ATG14: variants seen among roughly 807,000 people sequenced by gnomAD.
The protein encoded by ATG14 is autophagy related 14.
ATG14 carries 35 observed loss-of-function variants against 60.4 expected under a neutral mutation model. That is an observed-to-expected ratio of 0.58 (90% CI 0.44 to 0.77). The LOEUF (loss-of-function observed/expected upper bound fraction) is 0.77. ATG14 is among the 30% of genes least tolerant of loss of function. ATG14 has a pLI of 0.00. For missense variants in ATG14, 647 were observed against 626.3 expected (o/e 1.03, Z -0.35); for synonymous variants, 234 against 228.8 (o/e 1.02, Z -0.21).
At position 55,368,846 on chromosome 14, in the gene ATG14, G is replaced by A. The variant is rs1884745029; in HGVS notation, c.*773C>T. 2.0e-5 allele frequency: 3 copies of A among 152,420 alleles called. No individual in the cohort carries two copies. The South Asian group carries it at 6.2e-4, about 32-fold the overall frequency. The allele number at this position is 152,420 out of a possible 1,614,324, so 9.4% of individuals were successfully genotyped here. On this transcript the variant is annotated 3_prime_UTR_variant, in exon 10 of 10. Coordinates refer to ENST00000247178, the MANE Select transcript of ATG14 (RefSeq NM_014924.5). ...AGTTCAATTTCAAAATGCTCATAGT[G>A]TGGATGGCAGGAATTCAACTAGGTA...
intron 9 of ATG14, among the ~76,000 whole-genome samples, chr14:55,372,528 T>C (rs1363906922): frequency 6.6e-6 from 1 of 151,966 alleles, no homozygotes; most frequent in Non-Finnish European, 1.5e-5. Context: ...TTACCACAGC[T>C]CACTCCTCCC....
intron 5 of ATG14, among the ~76,000 whole-genome samples, chr14:55,384,272 G>GA (rs60732539): frequency 1.3e-5 from 2 of 152,026 alleles, no homozygotes; most frequent in African/African-American, 4.8e-5. Flanking sequence ...TTTTCTTTTT[G>GA]AAAAAAGTCA....
At chr14:55,396,972 T>C (rs1885323752) in intron 2 of ATG14, among the ~76,000 whole-genome samples, 1 of 152,222 alleles carries the variant, frequency 6.6e-6, no homozygotes, top group Admixed American at 6.5e-5. Flanking sequence ...TGAATTCTGA[T>C]ACAGGTAATG....
At chr14:55,392,281 G>A (rs1566582507) in intron 3 of ATG14, among the ~76,000 whole-genome samples, 1 of 152,118 alleles carries the variant, frequency 6.6e-6, no homozygotes. Flanking sequence ...TTTCCTAACA[G>A]GCCACAGCCC....
At chr14:55,404,878 G>A (rs1366842285) in intron 1 of ATG14, among the ~76,000 whole-genome samples, 2 of 152,168 alleles carry the variant, frequency 1.3e-5, no homozygotes, top group African/African-American at 4.8e-5. Context: ...CAACACCCCT[G>A]AGACTCAGTT....
rs1313241789 is a variant in ATG14 at position 55,368,210 on chromosome 14, CCTG to C, written c.*1406_*1408del. ...AAGACACGTGAGCTGAAAATGATCT[CCTG>C]CTGAGGGAAATTCTTTTTTTTTTTG... On this transcript the variant is annotated 3_prime_UTR_variant, in exon 10 of 10. Transcript: ENST00000247178. 6.6e-6 allele frequency: 1 copy of C among 152,396 alleles called. No individual in the cohort carries two copies. Among genetic ancestry groups the C allele is most frequent in the Admixed American group, 6.6e-5 (1 of 15,248 alleles). The allele number at this position is 152,396 out of a possible 1,614,324, so 9.4% of individuals were successfully genotyped here.
At chr14:55,378,612 T>C (rs754771882) in intron 7 of ATG14, among the ~76,000 whole-genome samples, 86 of 151,976 alleles carry the variant, frequency 5.7e-4, no homozygotes, top group Admixed American at 3.7e-3. Flanking sequence ...CCTCCCTCCC[T>C]TCCTCCCTCC....
chr14:55,401,264 G>GTT (rs5808813), intron 1 of ATG14, among the ~76,000 whole-genome samples: 33 of 148,662 alleles, frequency 2.2e-4, no homozygotes, highest in African/African-American at 7.6e-4. Context: ...ATTTTTTATA[G>GTT]TTTTTTTTTT....
At chr14:55,394,808 A>G in intron 3 of ATG14, 1 of 292,522 alleles carries the variant, frequency 3.4e-6, no homozygotes, top group East Asian at 9.5e-5. Context: ...TATGCCTGGT[A>G]TTATAGGATA....
At chr14:55,408,031 T>A (rs1299983148) in intron 1 of ATG14, among the ~76,000 whole-genome samples, 1 of 152,188 alleles carries the variant, frequency 6.6e-6, no homozygotes, top group Non-Finnish European at 1.5e-5. Flanking sequence ...GATGAACTTA[T>A]TTGAGTGCGT....
At chr14:55,398,250 A>G (rs985825346) in intron 1 of ATG14, among the ~76,000 whole-genome samples, 1 of 152,094 alleles carries the variant, frequency 6.6e-6, no homozygotes, top group Non-Finnish European at 1.5e-5. Flanking sequence ...CGCGCCCAGC[A>G]TAGTTATTAT....
chr14:55,379,144 A>G (rs1884980380), intron 7 of ATG14, among the ~76,000 whole-genome samples: 1 of 152,196 alleles, frequency 6.6e-6, no homozygotes, highest in South Asian at 2.1e-4. Flanking sequence ...TTTGTCACCA[A>G]TGTACCCTCC....
At chr14:55,371,631 T>A (rs529873477) in intron 9 of ATG14, among the ~76,000 whole-genome samples, 1 of 152,006 alleles carries the variant, frequency 6.6e-6, no homozygotes, top group South Asian at 2.1e-4. Context: ...AGTGAAACCC[T>A]GTCTCTACTA....
chr14:55,369,957 TAAC>T (rs749989220), intron 9 of ATG14, 32 bp from the exon 10 acceptor site: 2 of 1,545,230 alleles, frequency 1.3e-6, no homozygotes, highest in Non-Finnish European at 1.7e-6. Context: ...CTCTTTAGGA[TAAC>T]AACCATTCTC....
chr14:55,381,824 T>C, intron 6 of ATG14, 138 bp downstream of exon 6: 1 of 678,480 alleles, frequency 1.5e-6, no homozygotes, highest in East Asian at 2.7e-5. Flanking sequence ...TGAAATGACA[T>C]GGAGGTGATG....
intron 4 of ATG14, among the ~76,000 whole-genome samples, chr14:55,388,253 A>G (rs1885158124): frequency 6.6e-6 from 1 of 152,202 alleles, no homozygotes; most frequent in African/African-American, 2.4e-5. Flanking sequence ...CAAGCTCTTT[A>G]CAAGTGCTGA....
intron 1 of ATG14, among the ~76,000 whole-genome samples, chr14:55,398,197 C>T (rs560972029): frequency 1.8e-4 from 28 of 152,226 alleles, no homozygotes; most frequent in African/African-American, 6.0e-4. Context: ...GTGGTCTGCC[C>T]GCCTCTGCCT....
At chr14:55,405,666 A>G (rs1481448357) in intron 1 of ATG14, among the ~76,000 whole-genome samples, 2 of 152,222 alleles carry the variant, frequency 1.3e-5, no homozygotes, top group Non-Finnish European at 2.9e-5. Context: ...TCTACTGGGT[A>G]GCAGTGCTAT....
intron 1 of ATG14, among the ~76,000 whole-genome samples, chr14:55,411,059 G>C (rs1269841491): frequency 6.6e-6 from 1 of 152,122 alleles, no homozygotes; most frequent in Non-Finnish European, 1.5e-5. Context: ...ATAATCTTTA[G>C]AGGCAGGGAG....
Sources: allele counts gnomAD v4.1 joint callset (sites outside exome capture counted in the v4.1 genomes callset), GRCh38; gene constraint gnomAD v4.1.1; transcripts MANE v1.5; gene names NCBI Gene and HGNC (gene_info 2026-07-23, HGNC 2026-07-21).